ACTR3B: variants seen among roughly 807,000 people sequenced by gnomAD.
The protein encoded by ACTR3B is actin-related protein 3B.
In ACTR3B, 8 loss-of-function variants were observed where a neutral mutation model predicts 59.0. That is an observed-to-expected ratio of 0.14 (90% confidence interval 0.08 to 0.24). The LOEUF is 0.24. ACTR3B is among the 10% of genes least tolerant of loss of function. ACTR3B has a pLI of 1.00. For synonymous variants in ACTR3B, 148 were observed against 197.9 expected, an observed-to-expected ratio of 0.75 and a Z score of 2.12; for missense variants, 245 against 552.3, an observed-to-expected ratio of 0.44 and a Z score of 5.58.
intron 2 of ACTR3B, among the ~76,000 whole-genome samples, chr7:152,790,352 T>G (rs1288136382): frequency 6.6e-6 from 1 of 152,248 alleles, no homozygotes; most frequent in South Asian, 2.1e-4. Context: ...TCTTTTCTTT[T>G]TTTTCTTCTT....
At chr7:152,777,387 G>A (rs1254727742) in intron 1 of ACTR3B, among the ~76,000 whole-genome samples, 1 of 152,116 alleles carries the variant, frequency 6.6e-6, no homozygotes, top group African/African-American at 2.4e-5. Flanking sequence ...CTGCTTGTAT[G>A]TAGAGAGTTT....
chr7:152,839,203 A>T (rs1211659698), intron 9 of ACTR3B, among the ~76,000 whole-genome samples: 1 of 145,424 alleles, frequency 6.9e-6, no homozygotes, highest in Non-Finnish European at 1.5e-5. Flanking sequence ...TCTGTGTCAC[A>T]GGAAGGGAGG....
chr7:152,782,179 A>G (rs555054820), intron 1 of ACTR3B, among the ~76,000 whole-genome samples: 2 of 151,536 alleles, frequency 1.3e-5, no homozygotes, highest in African/African-American at 2.4e-5. Context: ...AATATTAAGC[A>G]TATTGAAATA....
chr7:152,818,788 G>GCA (rs1025602272), intron 6 of ACTR3B, among the ~76,000 whole-genome samples: 20 of 152,246 alleles, frequency 1.3e-4, no homozygotes, highest in East Asian at 3.9e-4. Flanking sequence ...ACGCATGCGT[G>GCA]CACACACACA....
intron 9 of ACTR3B, among the ~76,000 whole-genome samples, chr7:152,828,160 T>C (rs62502654): frequency 0.16 from 23,965 of 152,056 alleles, 2,785 homozygotes; most frequent in African/African-American, 0.33. Flanking sequence ...CGGGTTGGCC[T>C]GTGATAATTA....
chr7:152,781,355 C>T (rs1188309288), intron 1 of ACTR3B, among the ~76,000 whole-genome samples: 3 of 151,834 alleles, frequency 2.0e-5, no homozygotes, highest in Non-Finnish European at 2.9e-5. Flanking sequence ...TTGGTCCTTC[C>T]GCTGGCGGTT....
chr7:152,773,746 A>C (rs1273188785), intron 1 of ACTR3B, among the ~76,000 whole-genome samples: 2 of 152,176 alleles, frequency 1.3e-5, no homozygotes, highest in African/African-American at 4.8e-5. Flanking sequence ...TTATCATTGT[A>C]CTCTGACCCT....
chr7:152,773,501 C>T (rs1396560720), intron 1 of ACTR3B, among the ~76,000 whole-genome samples: 4 of 151,858 alleles, frequency 2.6e-5, no homozygotes, highest in South Asian at 4.1e-4. Context: ...GCAGGAGAAT[C>T]GCTTGAACCC....
chr7:152,782,048 C>T (rs1563085695), intron 1 of ACTR3B, among the ~76,000 whole-genome samples: 1 of 151,292 alleles, frequency 6.6e-6, no homozygotes, highest in Non-Finnish European at 1.5e-5. Flanking sequence ...TTTTTGGTTT[C>T]CCCAGACCTT....
chr7:152,788,746 C>T (rs1476984914), intron 2 of ACTR3B, among the ~76,000 whole-genome samples: 3 of 152,048 alleles, frequency 2.0e-5, no homozygotes, highest in Non-Finnish European at 4.4e-5. Flanking sequence ...ACAGGCCAGG[C>T]GCAGTGGTTC....
At chr7:152,774,145 T>C (rs913426592) in intron 1 of ACTR3B, among the ~76,000 whole-genome samples, 2 of 152,206 alleles carry the variant, frequency 1.3e-5, no homozygotes, top group Non-Finnish European at 2.9e-5. Context: ...TTTTTTGTTG[T>C]TGTTTTTTGA....
chr7:152,760,288 C>T (rs2098085400), intron 1 of ACTR3B, among the ~76,000 whole-genome samples: 1 of 151,874 alleles, frequency 6.6e-6, no homozygotes, highest in Non-Finnish European at 1.5e-5. Context: ...AGCGCGGGAT[C>T]TCCCCTCCTA....
chr7:152,760,103 A>AC (rs1288804334), intron 1 of ACTR3B, among the ~76,000 whole-genome samples, 177 bp downstream of exon 1: 1 of 151,248 alleles, frequency 6.6e-6, no homozygotes, highest in Non-Finnish European at 1.5e-5. Flanking sequence ...ACGTCGTAAA[A>AC]CCCCCTCTTC....
chr7:152,759,797 T>G lies in ACTR3B; in HGVS notation c.-86T>G. 1.9e-6 allele frequency: 2 copies of G among 1,073,680 alleles called. No individual in the cohort carries two copies. The highest frequency in any genetic ancestry group is 2.3e-6 in the Non-Finnish European group (2 of 871,412). 66.5% of individuals were successfully genotyped at this position (1,073,680 alleles called of 1,614,324 possible). On this transcript the variant is annotated 5_prime_UTR_variant, in exon 1 of 12. Coordinates refer to ENST00000256001, the MANE Select transcript of ACTR3B (RefSeq NM_020445.6). ...CGCTGCGGCGGCTCGCGGGAGACGCTGCGCGCGGGGCTAGCGGGCGGCGGA... is the reference window on the plus strand; with the variant it reads ...CGCTGCGGCGGCTCGCGGGAGACGCGGCGCGCGGGGCTAGCGGGCGGCGGA...
chr7:152,794,113 C>T (rs1340715408), intron 2 of ACTR3B, among the ~76,000 whole-genome samples: 1 of 152,120 alleles, frequency 6.6e-6, no homozygotes, highest in Non-Finnish European at 1.5e-5. Context: ...GCTCTATATA[C>T]TTTTATTCTC....
rs978004584 is a variant in ACTR3B, at chr7:152,824,013, C to T, written c.858+498C>T. ...CCAGCATTTCTATTATTTAGATAAT[C>T]TTAAGAATTAGAAATGTCATCATTT... On this transcript the variant is annotated intron_variant, in intron 8 of 11. Transcript: ENST00000256001. The surrounding 1 kb of genome is among the most constrained non-coding windows in gnomAD (Gnocchi z 4.2). Among the ~76,000 whole-genome samples the T allele has an allele frequency of 1.3e-5, 2 of 152,192 alleles. No homozygotes were observed. Among genetic ancestry groups the T allele is most frequent in the Non-Finnish European group, 2.9e-5 (2 of 68,028 alleles).
At chr7:152,767,504 C>G (rs1462516535) in intron 1 of ACTR3B, among the ~76,000 whole-genome samples, 2 of 152,172 alleles carry the variant, frequency 1.3e-5, no homozygotes, top group Non-Finnish European at 2.9e-5. Context: ...TCTTTGTAAT[C>G]AGTTTCTCTA....
intron 1 of ACTR3B, among the ~76,000 whole-genome samples, chr7:152,775,754 C>G (rs752351750): frequency 4.5e-4 from 67 of 147,566 alleles, no homozygotes; most frequent in Non-Finnish European, 8.3e-4. Context: ...AGCGAAACTC[C>G]GTCTCAAAAA....
chr7:152,775,477 C>T (rs1431274876), intron 1 of ACTR3B, among the ~76,000 whole-genome samples: 1 of 151,900 alleles, frequency 6.6e-6, no homozygotes, highest in Admixed American at 6.6e-5. Context: ...ATGTTTGGGG[C>T]AGGCTGGGCG....
Sources: gnomAD v4.1 joint callset for allele counts (sites outside exome capture counted in the v4.1 genomes callset) on GRCh38, gnomAD v4.1.1 for gene constraint, Gnocchi (gnomAD v3.1) non-coding constraint, MANE v1.5 for transcripts, NCBI Gene and HGNC (gene_info 2026-07-23, HGNC 2026-07-21) for gene names.